ZNF665: variants seen among roughly 807,000 people sequenced by gnomAD.
The protein encoded by ZNF665 is zinc finger protein 665.
In ZNF665, 6 loss-of-function variants were observed where a neutral mutation model predicts 7.9. The ratio of observed to expected loss-of-function variants is 0.76; its 90% CI spans 0.42 to 1.50. The LOEUF (loss-of-function observed/expected upper bound fraction) is 1.50, where lower values mean the gene tolerates loss of function less well. ZNF665 is among the 40% of genes most tolerant of loss of function. ZNF665 has a pLI of 0.01. For synonymous variants in ZNF665, 242 were observed against 274.5 expected (o/e 0.88, Z 1.17); for missense variants, 819 against 806.7 (o/e 1.02, Z -0.18).
At chr19:53,175,044 A>G (rs2090686581) in intron 3 of ZNF665, among the ~76,000 whole-genome samples, 1 of 152,130 alleles carries the variant, frequency 6.6e-6, no homozygotes, top group Middle Eastern at 3.4e-3. Context: ...TTTACATGAG[A>G]AGAGAGGAAA....
rs186509071 is a variant in ZNF665, at chr19:53,168,661, A to G, written c.143-2314T>C. Among the ~76,000 whole-genome samples the G allele has an allele frequency of 3.7e-3, 571 of 152,318 alleles. 3 individuals carry two copies. The highest frequency in any genetic ancestry group is 0.012 in the African/African-American group (518 of 41,582). On this transcript the variant is annotated intron_variant, in intron 3 of 3. Transcript: ENST00000396424. ...ATAATTAAAACAATTTTGATAAAGA[A>G]GAAAGTTGTAACACTATCACTACCT...
At chr19:53,174,703 C>T (rs1380214511) in intron 3 of ZNF665, among the ~76,000 whole-genome samples, 1 of 152,118 alleles carries the variant, frequency 6.6e-6, no homozygotes, top group Non-Finnish European at 1.5e-5. Flanking sequence ...CTCTGGGAGG[C>T]TGAGTTGGGC....
rs759898905 is a variant in ZNF665 at position 53,165,096 on chromosome 19, T to G, written c.1394A>C (p.Lys465Thr). 8.1e-5 allele frequency: 131 copies of G among 1,613,984 alleles called. No homozygotes were observed. Among genetic ancestry groups the G allele is most frequent in the Admixed American group, 3.8e-4 (23 of 59,996 alleles). The change falls in exon 4 of 4, where the codon AAG (lysine) becomes ACG (threonine). Residue 465 changes from lysine to threonine, a missense_variant. Physicochemically the swap from Lys to Thr is moderately conservative, Grantham distance 78. Coordinates refer to ENST00000396424, the MANE Select transcript of ZNF665 (RefSeq NM_024733.5). ...AAGGTGTGAATTTTGTGTGAAGACC[T>G]TACCGCAGTCATTACATTTGTAAGG... Reference protein sequence around the residue: ...EKPYKCNDCGKVFTQNSHLAS... With the variant: ...EKPYKCNDCGTVFTQNSHLAS...
At chr19:53,168,042 C>A (rs1280124816) in intron 3 of ZNF665, among the ~76,000 whole-genome samples, 1 of 114,520 alleles carries the variant, frequency 8.7e-6, no homozygotes, top group Non-Finnish European at 1.7e-5. Flanking sequence ...GGCGACACAG[C>A]CTGACTCCCT....
At chr19:53,192,726 C>T (rs561435279) in intron 1 of ZNF665, among the ~76,000 whole-genome samples, 1 of 152,264 alleles carries the variant, frequency 6.6e-6, no homozygotes, top group East Asian at 1.9e-4. Flanking sequence ...GCACATTTTC[C>T]AGCGGGTGGA....
intron 1 of ZNF665, chr19:53,191,727 C>A (rs1031779455): frequency 1.3e-5 from 2 of 152,202 alleles, no homozygotes; most frequent in Non-Finnish European, 2.9e-5. Flanking sequence ...GCCTGTAATC[C>A]CAGCTACTCG....
At chr19:53,182,735 T>G in intron 2 of ZNF665, 149 bp downstream of exon 2, 16 of 1,354,056 alleles carry the variant, frequency 1.2e-5, no homozygotes, top group African/African-American at 1.4e-5. Context: ...GGAATCTAAG[T>G]GAGATGAGAG....
At chr19:53,169,110 C>T (rs1314736576) in intron 3 of ZNF665, among the ~76,000 whole-genome samples, 1 of 151,966 alleles carries the variant, frequency 6.6e-6, no homozygotes, top group African/African-American at 2.4e-5. Context: ...TAAAGACACA[C>T]TGTTAAAAGA....
At chr19:53,180,055 A>C (rs1254535031) in intron 2 of ZNF665, 5 of 152,218 alleles carry the variant, frequency 3.3e-5, no homozygotes, top group Non-Finnish European at 7.3e-5. Flanking sequence ...TTCAAGGCTA[A>C]CAATATGGAA....
chr19:53,169,499 T>A (rs906827062), intron 3 of ZNF665, among the ~76,000 whole-genome samples: 2 of 152,120 alleles, frequency 1.3e-5, no homozygotes, highest in African/African-American at 4.8e-5. Context: ...TGGATGGCTT[T>A]AAAAAAAATT....
chr19:53,167,020 GAGA>G (rs1342937274), intron 3 of ZNF665, among the ~76,000 whole-genome samples: 2 of 146,372 alleles, frequency 1.4e-5, no homozygotes, highest in Non-Finnish European at 3.0e-5. Context: ...TCTTTTTTTT[GAGA>G]AGGACTTTTG....
intron 1 of ZNF665, among the ~76,000 whole-genome samples, chr19:53,188,367 T>C (rs1415201688): frequency 4.2e-4 from 1 of 2,360 alleles, no homozygotes; most frequent in East Asian, 2.8e-3. Flanking sequence ...CACTCGCGGC[T>C]AGGAGCTGGA....
chr19:53,170,104 G>A (rs1370441477), intron 3 of ZNF665, among the ~76,000 whole-genome samples: 2 of 146,164 alleles, frequency 1.4e-5, no homozygotes, highest in Non-Finnish European at 3.0e-5. Flanking sequence ...CTGAGGAATC[G>A]CCACACTGAC....
intron 3 of ZNF665, among the ~76,000 whole-genome samples, chr19:53,173,933 A>G (rs73935262): frequency 0.2 from 29,828 of 151,870 alleles, 3,601 homozygotes; most frequent in African/African-American, 0.34. Context: ...GATCCAACCC[A>G]CTCCCCTTGT....
intron 1 of ZNF665, among the ~76,000 whole-genome samples, chr19:53,191,176 T>C (rs898041405): frequency 1.3e-5 from 2 of 152,200 alleles, no homozygotes; most frequent in African/African-American, 2.4e-5. Context: ...AATTAAATTA[T>C]TGGACAGTCA....
At chr19:53,178,225 G>A (rs1360422134) in intron 2 of ZNF665, among the ~76,000 whole-genome samples, 3 of 152,190 alleles carry the variant, frequency 2.0e-5, no homozygotes, top group Non-Finnish European at 4.4e-5. Flanking sequence ...ATGTAACGAC[G>A]TGTACCAATG....
Position 53,164,556 on chromosome 19 carries a change from A to G in ZNF665, c.1934T>C (p.Met645Thr), listed in dbSNP as rs747245058. The change falls in exon 4 of 4, where the codon ATG (methionine) becomes ACG (threonine). Residue 645 changes from methionine to threonine, a missense_variant. Transcript: ENST00000396424. ...AGGTTTGTCTCCAGTATGGACTGCC[A>G]TATGGGTAGTTAGGGTTGAACGAAC... is the stretch of plus-strand genomic sequence containing the variant. ...FSVRSTLTTHMAVHTGDKPYK... is the reference protein window; with the variant it reads ...FSVRSTLTTHTAVHTGDKPYK... 17 of 1,614,080 alleles carry G rather than the reference A, an allele frequency of 1.1e-5. No homozygotes were observed. The highest frequency in any genetic ancestry group is 3.3e-5 in the Admixed American group (2 of 60,018).
At chr19:53,180,702 C>T (rs946488328) in intron 2 of ZNF665, 2 of 151,962 alleles carry the variant, frequency 1.3e-5, no homozygotes, top group African/African-American at 4.8e-5. Context: ...TCTGGGACAA[C>T]TGAAATGCAT....
At position 53,164,390 on chromosome 19, in the gene ZNF665, G is replaced by A. The variant is rs915708751; in HGVS notation, c.*63C>T. 47 of 1,338,832 alleles carry A rather than the reference G, an allele frequency of 3.5e-5. No homozygotes were observed. The African/African-American group carries it at 4.1e-4, about 12-fold the overall frequency. 82.9% of individuals were successfully genotyped at this position (1,338,832 alleles called of 1,614,324 possible). ...AGACCTCAGGTGATCCCCCCGCCTC[G>A]GCCTCCCAAAGTGCTGGGATTACAG... On this transcript the variant is annotated 3_prime_UTR_variant, in exon 4 of 4. Transcript: ENST00000396424.
Sources: gnomAD v4.1 joint callset for allele counts (sites outside exome capture counted in the v4.1 genomes callset) on GRCh38, gnomAD v4.1.1 for gene constraint, MANE v1.5 for transcripts, NCBI Gene and HGNC (gene_info 2026-07-23, HGNC 2026-07-21) for gene names.